The following OSBP2 variants were observed in gnomAD, a reference collection of about 807,000 sequenced individuals.
The protein encoded by OSBP2 is oxysterol binding protein 2, also known as oxysterol-binding protein 2.
A neutral mutation model predicts 96.0 loss-of-function variants in OSBP2; 66 were observed. The observed-to-expected ratio is 0.69, with a 90% CI of 0.56 to 0.84. OSBP2 has a LOEUF of 0.84. OSBP2 is among the 40% of genes least tolerant of loss of function. OSBP2 has a pLI of 0.00. For missense variants in OSBP2, 1,038 were observed against 1,222.7 expected, an observed-to-expected ratio of 0.85 and a Z score of 2.25; for synonymous variants, 525 against 520.9, an observed-to-expected ratio of 1.01 and a Z score of -0.11.
chr22:30,900,780 ATTGT>A (rs2040176976), intron 12 of OSBP2, among the ~76,000 whole-genome samples: 1 of 152,220 alleles, frequency 6.6e-6, no homozygotes, highest in African/African-American at 2.4e-5. Context: ...TTACAGTAAT[ATTGT>A]TTGACTTATT....
intron 2 of OSBP2, among the ~76,000 whole-genome samples, chr22:30,769,663 T>A (rs976526928): frequency 2.6e-5 from 4 of 151,838 alleles, no homozygotes; most frequent in African/African-American, 7.3e-5. Context: ...ACAAAAAAAA[T>A]GTTAAATTAA....
At chr22:30,747,158 G>A (rs749168429) in intron 2 of OSBP2, among the ~76,000 whole-genome samples, 23 of 152,182 alleles carry the variant, frequency 1.5e-4, no homozygotes, top group Non-Finnish European at 3.2e-4. Context: ...GCTAGGAATA[G>A]AACAGGTAAA....
At chr22:30,845,927 G>A (rs1484308619) in intron 2 of OSBP2, among the ~76,000 whole-genome samples, 2 of 150,198 alleles carry the variant, frequency 1.3e-5, no homozygotes, top group Non-Finnish European at 3.0e-5. Flanking sequence ...GAATAAAAGA[G>A]GTATGCCTGT....
chr22:30,863,497 T>C (rs1418220368), intron 2 of OSBP2, among the ~76,000 whole-genome samples: 3 of 152,180 alleles, frequency 2.0e-5, no homozygotes. Flanking sequence ...CAAAATAGGA[T>C]GCATGCCCTG....
intron 2 of OSBP2, among the ~76,000 whole-genome samples, chr22:30,753,786 C>T (rs990989339): frequency 1.3e-5 from 2 of 152,208 alleles, no homozygotes; most frequent in Non-Finnish European, 2.9e-5. Flanking sequence ...TTGCCTGCAA[C>T]CCTTCAGGGG....
chr22:30,792,949 A>G (rs80227911), intron 2 of OSBP2, among the ~76,000 whole-genome samples: 7,264 of 152,276 alleles, frequency 0.048, 374 homozygotes, highest in African/African-American at 0.13. Context: ...CTTGTCCACA[A>G]TCACTGAGTT....
intron 2 of OSBP2, among the ~76,000 whole-genome samples, chr22:30,822,349 C>T (rs1348316714): frequency 1.3e-5 from 2 of 152,262 alleles, no homozygotes; most frequent in Non-Finnish European, 2.9e-5. Flanking sequence ...CACGGACCAG[C>T]AGGCGACGCG....
At chr22:30,803,083 G>T in intron 2 of OSBP2, 1 of 210,350 alleles carries the variant, frequency 4.8e-6, no homozygotes, top group Non-Finnish European at 9.3e-6. Flanking sequence ...GCGGCGGCGG[G>T]AAGGCGGCGG....
intron 1 of OSBP2, among the ~76,000 whole-genome samples, chr22:30,730,773 T>TCTC (rs2089753501): frequency 2.5e-5 from 1 of 40,072 alleles, no homozygotes; most frequent in Non-Finnish European, 4.4e-5. Flanking sequence ...TCTCTCTCTC[T>TCTC]CTATATATAT....
intron 2 of OSBP2, among the ~76,000 whole-genome samples, chr22:30,842,209 G>A (rs2038766833): frequency 1.3e-5 from 2 of 152,202 alleles, no homozygotes; most frequent in Admixed American, 1.3e-4. Context: ...AGGAGTTTGA[G>A]GCTGCAGTGA....
intron 2 of OSBP2, among the ~76,000 whole-genome samples, chr22:30,782,554 G>GTTT (rs2090531811): frequency 6.6e-6 from 1 of 152,100 alleles, no homozygotes; most frequent in Non-Finnish European, 1.5e-5. Context: ...TTGTCACCCA[G>GTTT]TGTAACTGTT....
upstream of OSBP2, chr22:30,694,441 C>T (rs557937551): frequency 2.9e-6 from 4 of 1,392,378 alleles, no homozygotes; most frequent in East Asian, 2.5e-5. Flanking sequence ...TACCTGCTTC[C>T]CACCCGGCTT....
chr22:30,730,719 T>TCA (rs1569100130), intron 1 of OSBP2, among the ~76,000 whole-genome samples: 58 of 10,566 alleles, frequency 5.5e-3, no homozygotes, highest in African/African-American at 0.018. Flanking sequence ...CTGCCCTGTC[T>TCA]CTCTCTCTCT....
chr22:30,728,378 G>C, intron 1 of OSBP2, among the ~76,000 whole-genome samples: 1 of 139,654 alleles, frequency 7.2e-6, no homozygotes, highest in East Asian at 2.0e-4. Context: ...CTGGGCAACA[G>C]AGCAAGACTC....
intron 1 of OSBP2, among the ~76,000 whole-genome samples, chr22:30,697,257 T>C (rs1450936593): frequency 2.0e-5 from 3 of 152,202 alleles, no homozygotes; most frequent in South Asian, 2.1e-4. Context: ...TGGGTTTTAA[T>C]TGGAAGAGCA....
chr22:30,889,561 G>A lies in OSBP2; in HGVS notation c.1548G>A (p.Lys516=), dbSNP rs373997315. 1.3e-3 allele frequency: 2,174 copies of A among 1,614,092 alleles called. 35 individuals carry two copies. The South Asian group carries it at 0.023, about 17-fold the overall frequency. The part of the protein sequence containing the change: ...KVKRRVRIPN[K]PNYSLNLWSI... ...AGAGGCGAGTCCGCATTCCCAACAA[G>A]CCCAACTACAGCCTTAACCTCTGGA... Residue 516 remains lysine, a synonymous_variant, in exon 7 of 14, where the codon AAG becomes AAA. Coordinates refer to ENST00000332585, the MANE Select transcript of OSBP2 (RefSeq NM_030758.4).
intron 1 of OSBP2, among the ~76,000 whole-genome samples, chr22:30,740,343 G>T (rs2089921663): frequency 1.3e-5 from 2 of 152,184 alleles, no homozygotes; most frequent in African/African-American, 4.8e-5. Context: ...CAAGTGCAGG[G>T]TTTGCAAAAT....
At chr22:30,753,209 G>A (rs2145758986) in intron 2 of OSBP2, among the ~76,000 whole-genome samples, 1 of 152,274 alleles carries the variant, frequency 6.6e-6, no homozygotes, top group Non-Finnish European at 1.5e-5. Flanking sequence ...GATTAGCACA[G>A]TGTAAGGTAG....
intron 12 of OSBP2, among the ~76,000 whole-genome samples, chr22:30,897,249 T>G (rs2040086287): frequency 6.6e-6 from 1 of 152,248 alleles, no homozygotes; most frequent in South Asian, 2.1e-4. Context: ...AAGAAATTGA[T>G]AAATCCATCA....
Sources: allele counts gnomAD v4.1 joint callset (sites outside exome capture counted in the v4.1 genomes callset), GRCh38; gene constraint gnomAD v4.1.1; transcripts MANE v1.5; gene names NCBI Gene and HGNC (gene_info 2026-07-23, HGNC 2026-07-21).